The following LRP1B variants were observed in gnomAD, a reference collection of about 807,000 sequenced individuals.
LRP1B encodes LDL receptor related protein 1B.
LRP1B carries 217 observed loss-of-function variants against 556.6 expected under a neutral mutation model. The ratio of observed to expected loss-of-function variants is 0.39; its 90% confidence interval spans 0.35 to 0.44. LRP1B has a LOEUF of 0.44. Ranked by LOEUF, LRP1B falls within the 20% of genes least tolerant of loss-of-function variation. LRP1B has a pLI of 1.00. For missense variants in LRP1B, 5,053 were observed against 5,620.8 expected, an observed-to-expected ratio of 0.90 and a Z score of 3.23; for synonymous variants, 2,047 against 1,865.8, an observed-to-expected ratio of 1.10 and a Z score of -2.50.
intron 2 of LRP1B, among the ~76,000 whole-genome samples, chr2:141,734,888 A>C (rs1693407243): frequency 6.6e-6 from 1 of 152,190 alleles, no homozygotes; most frequent in African/African-American, 2.4e-5. Flanking sequence ...TTGAAAAGAA[A>C]GGATGCTAAC....
intron 3 of LRP1B, among the ~76,000 whole-genome samples, chr2:141,299,879 C>T (rs927264480): frequency 6.6e-6 from 1 of 152,152 alleles, no homozygotes; most frequent in Non-Finnish European, 1.5e-5. Context: ...TAGTGTGTAG[C>T]ATTGTTGTTA....
intron 20 of LRP1B, among the ~76,000 whole-genome samples, chr2:140,925,855 C>G (rs920893857): frequency 1.3e-5 from 2 of 152,084 alleles, no homozygotes; most frequent in Non-Finnish European, 2.9e-5. Flanking sequence ...TACATTAGCA[C>G]CTTCCTTTTA....
chr2:141,425,930 T>A (rs1463276460), intron 3 of LRP1B, among the ~76,000 whole-genome samples: 2 of 150,100 alleles, frequency 1.3e-5, no homozygotes, highest in East Asian at 3.9e-4. Context: ...TTTAATTAGA[T>A]CCCATTTGTC....
chr2:140,433,303 G>C (rs1686032856), intron 66 of LRP1B, among the ~76,000 whole-genome samples: 1 of 152,092 alleles, frequency 6.6e-6, no homozygotes, highest in African/African-American at 2.4e-5. Context: ...TCGCCATGTT[G>C]ACCAGGCTGG....
chr2:141,413,171 G>A lies in LRP1B; in HGVS notation c.343+67225C>T, dbSNP rs553628597. 2.6e-4 allele frequency among the ~76,000 whole-genome samples: 40 copies of A among 152,232 alleles called. 1 individual carries two copies. In the South Asian group the frequency reaches 8.3e-3, roughly 32 times the overall value. ...GAGCCCGGGAGTTCAAGGCTGCAGG[G>A]AGCTACAGTTGCAACACTGCACTCC... is the stretch of plus-strand genomic sequence containing the variant. On this transcript the variant is annotated intron_variant, in intron 3 of 90. Transcript: ENST00000389484.
At chr2:141,916,962 G>T (rs550295826) in intron 1 of LRP1B, among the ~76,000 whole-genome samples, 1 of 151,932 alleles carries the variant, frequency 6.6e-6, no homozygotes, top group Admixed American at 6.6e-5. Flanking sequence ...GCATCATAAG[G>T]GAATAAATTT....
intron 2 of LRP1B, among the ~76,000 whole-genome samples, chr2:141,556,313 A>C (rs1685960246): frequency 6.6e-6 from 1 of 151,984 alleles, no homozygotes; most frequent in South Asian, 2.1e-4. Flanking sequence ...ACTAATTCAT[A>C]GGAATGCCAG....
intron 18 of LRP1B, among the ~76,000 whole-genome samples, chr2:140,961,116 T>A (rs1436816252): frequency 6.6e-6 from 1 of 151,946 alleles, no homozygotes; most frequent in East Asian, 1.9e-4. Context: ...CCAATTTACA[T>A]ATAAACAAGT....
intron 2 of LRP1B, among the ~76,000 whole-genome samples, chr2:141,804,296 A>C (rs958911726): frequency 6.6e-6 from 1 of 152,070 alleles, no homozygotes; most frequent in East Asian, 1.9e-4. Context: ...TATAAACTCA[A>C]CTTCTTTATT....
intron 1 of LRP1B, among the ~76,000 whole-genome samples, chr2:142,122,064 T>G (rs958767165): frequency 6.6e-6 from 1 of 152,172 alleles, no homozygotes; most frequent in African/African-American, 2.4e-5. Flanking sequence ...CTCTGTGCAC[T>G]CACAGAACGT....
chr2:140,678,428 C>T (rs555450049), intron 41 of LRP1B, among the ~76,000 whole-genome samples: 3 of 152,186 alleles, frequency 2.0e-5, no homozygotes, highest in African/African-American at 7.2e-5. Context: ...GTTTTCATTT[C>T]TTATCTGTGA....
At chr2:142,082,032 A>G (rs1705737689) in intron 1 of LRP1B, among the ~76,000 whole-genome samples, 1 of 152,214 alleles carries the variant, frequency 6.6e-6, no homozygotes, top group Non-Finnish European at 1.5e-5. Flanking sequence ...TCCATAAGTC[A>G]TCAAATGCTG....
chr2:142,100,874 G>A (rs562224852), intron 1 of LRP1B, among the ~76,000 whole-genome samples: 6 of 151,782 alleles, frequency 4.0e-5, no homozygotes, highest in East Asian at 1.9e-4. Flanking sequence ...CCCCACACAC[G>A]TTTCCCCTTC....
intron 2 of LRP1B, among the ~76,000 whole-genome samples, chr2:141,502,857 C>A (rs1413905644): frequency 1.9e-3 from 258 of 134,804 alleles, no homozygotes; most frequent in East Asian, 2.9e-3. Context: ...GACCCCGTCT[C>A]AAAAAATAAA....
At chr2:141,170,168 C>T (rs1680439552) in intron 7 of LRP1B, among the ~76,000 whole-genome samples, 1 of 152,064 alleles carries the variant, frequency 6.6e-6, no homozygotes, top group African/African-American at 2.4e-5. Flanking sequence ...TTGGGGCAAC[C>T]AAGCCACCAG....
At chr2:140,789,788 G>C (rs1364244708) in intron 32 of LRP1B, among the ~76,000 whole-genome samples, 4 of 150,434 alleles carry the variant, frequency 2.7e-5, no homozygotes, top group African/African-American at 9.8e-5. Context: ...CCGCCACTAC[G>C]CCCGGCTAAT....
intron 77 of LRP1B, among the ~76,000 whole-genome samples, chr2:140,346,714 G>T (rs1158141022): frequency 1.3e-5 from 2 of 151,954 alleles, no homozygotes; most frequent in Non-Finnish European, 1.5e-5. Flanking sequence ...GTGTGTGCAT[G>T]CATGTGTGTG....
At chr2:141,663,192 T>A (rs974747540) in intron 2 of LRP1B, among the ~76,000 whole-genome samples, 1 of 152,074 alleles carries the variant, frequency 6.6e-6, no homozygotes, top group Non-Finnish European at 1.5e-5. Flanking sequence ...AAAGCAGTGT[T>A]AAGAGGGAAA....
At chr2:141,565,898 T>C (rs1177922781) in intron 2 of LRP1B, among the ~76,000 whole-genome samples, 8 of 152,126 alleles carry the variant, frequency 5.3e-5, no homozygotes, top group African/African-American at 1.9e-4. Context: ...ACTAACATTA[T>C]TGAGCACCAT....
Sources: allele counts gnomAD v4.1 joint callset (sites outside exome capture counted in the v4.1 genomes callset), GRCh38; gene constraint gnomAD v4.1.1; transcripts MANE v1.5; gene names NCBI Gene and HGNC (gene_info 2026-07-23, HGNC 2026-07-21).